Variants in YES1 observed in about 807,000 individuals in gnomAD.
YES1 encodes YES proto-oncogene 1, Src family tyrosine kinase, also known as tyrosine-protein kinase Yes.
YES1 carries 39 observed loss-of-function variants against 70.4 expected under a neutral mutation model. The ratio of observed to expected loss-of-function variants is 0.55; its 90% CI spans 0.43 to 0.72. YES1 has a LOEUF of 0.72. YES1 is among the 30% of genes least tolerant of loss of function. The probability of loss-of-function intolerance (pLI) is 0.00; values close to 1 mark genes in which losing one functional copy is unlikely to be tolerated. For missense variants in YES1, 495 were observed against 644.8 expected (o/e 0.77, Z 2.52); for synonymous variants, 198 against 218.6 (o/e 0.91, Z 0.83).
chr18:732,594 T>G, intron 11 of YES1, among the ~76,000 whole-genome samples: 1 of 151,778 alleles, frequency 6.6e-6, no homozygotes, highest in Non-Finnish European at 1.5e-5. Flanking sequence ...AAAGCTGAGG[T>G]GAATGTGGGG....
intron 3 of YES1, 26 bp from the exon 4 acceptor site, chr18:748,044 C>G: frequency 6.2e-7 from 1 of 1,601,484 alleles, no homozygotes; most frequent in African/African-American, 1.3e-5. Context: ...CAGCAATCAC[C>G]GCAAGGTAGA....
intron 1 of YES1, among the ~76,000 whole-genome samples, chr18:787,037 A>G (rs1905985635): frequency 6.8e-6 from 1 of 146,384 alleles, no homozygotes; most frequent in African/African-American, 2.5e-5. Context: ...GATAGAAAAG[A>G]TGGCCAAAAT....
chr18:750,055 T>C (rs1388771084), intron 3 of YES1, among the ~76,000 whole-genome samples: 1 of 152,132 alleles, frequency 6.6e-6, no homozygotes. Context: ...TAAATTCATG[T>C]TTTGCTTCAC....
Position 742,981 on chromosome 18 carries a change from C to T in YES1, c.997G>A (p.Val333Ile), listed in dbSNP as rs2145706149. The T allele has an allele frequency of 6.2e-7, 1 of 1,610,460 alleles. No individual in the cohort carries two copies. The highest frequency in any genetic ancestry group is 8.5e-7 in the Non-Finnish European group (1 of 1,179,308). Reference sequence around the variant, plus strand: ...TCAGAAACAACAGCATATAGTGGAACAAGTTTATCATGTCTTAATTTTTTC... The same window carrying T: ...TCAGAAACAACAGCATATAGTGGAATAAGTTTATCATGTCTTAATTTTTTC... ...IMKKLRHDKL[V>I]PLYAVVSEEP... Residue 333 changes from valine (V) to isoleucine (I), a missense_variant, in exon 8 of 12, where the codon GTT (valine) becomes ATT (isoleucine). By Grantham distance (29) the Val-to-Ile change is conservative (BLOSUM62 3). This residue lies in a region of YES1 where 385 missense variants were observed against 540.9 expected (regional missense o/e 0.71). Coordinates refer to ENST00000314574, the MANE Select transcript of YES1 (RefSeq NM_005433.4).
At chr18:725,623 T>C (rs2080008963) in intron 11 of YES1, among the ~76,000 whole-genome samples, 1 of 152,194 alleles carries the variant, frequency 6.6e-6, no homozygotes, top group South Asian at 2.1e-4. Flanking sequence ...GCACAGTGGC[T>C]CTCGTCTGTA....
intron 1 of YES1, among the ~76,000 whole-genome samples, chr18:807,206 C>T (rs963988305): frequency 3.3e-5 from 5 of 152,116 alleles, no homozygotes; most frequent in Admixed American, 6.5e-5. Context: ...TGGTGGTGCA[C>T]GCTTGCAATC....
intron 11 of YES1, among the ~76,000 whole-genome samples, chr18:730,109 TAGTTTTGCTC>T (rs2080070678): frequency 6.6e-6 from 1 of 152,170 alleles, no homozygotes; most frequent in African/African-American, 2.4e-5. Context: ...TGTTAGGGCT[TAGTTTTGCTC>T]AGTTTTGCCC....
At chr18:772,854 A>G (rs949847423) in intron 1 of YES1, among the ~76,000 whole-genome samples, 1 of 152,240 alleles carries the variant, frequency 6.6e-6, no homozygotes, top group African/African-American at 2.4e-5. Flanking sequence ...GGTCTGCTCC[A>G]GGTTCCCTCT....
intron 1 of YES1, among the ~76,000 whole-genome samples, chr18:809,502 C>T (rs1371844488): frequency 1.3e-5 from 2 of 152,026 alleles, no homozygotes; most frequent in Non-Finnish European, 2.9e-5. Context: ...GGTTTCACCA[C>T]GTTGGCCAGG....
At chr18:760,329 G>A (rs1387390342) in intron 1 of YES1, among the ~76,000 whole-genome samples, 6 of 152,116 alleles carry the variant, frequency 3.9e-5, no homozygotes, top group Admixed American at 6.5e-5. Context: ...AGTTAGCCAC[G>A]TGTGGTGGTG....
At chr18:758,581 A>G (rs751127277) in intron 1 of YES1, among the ~76,000 whole-genome samples, 1 of 152,188 alleles carries the variant, frequency 6.6e-6, no homozygotes, top group Non-Finnish European at 1.5e-5. Context: ...TCTACCTGCT[A>G]AAATCCTATC....
chr18:754,044 C>T (rs1390636594), intron 2 of YES1, among the ~76,000 whole-genome samples: 1 of 152,176 alleles, frequency 6.6e-6, no homozygotes, highest in Non-Finnish European at 1.5e-5. Flanking sequence ...GGGTGGACTA[C>T]TGAGAGTGCC....
At chr18:762,614 T>C (rs1448407846) in intron 1 of YES1, among the ~76,000 whole-genome samples, 2 of 152,170 alleles carry the variant, frequency 1.3e-5, no homozygotes, top group African/African-American at 4.8e-5. Flanking sequence ...TATTCATTAA[T>C]AACATACATT....
chr18:763,222 A>G (rs1410983454), intron 1 of YES1, among the ~76,000 whole-genome samples: 3 of 152,184 alleles, frequency 2.0e-5, no homozygotes, highest in East Asian at 1.9e-4. Flanking sequence ...TTGTTATGCA[A>G]TAACTTTTAG....
intron 1 of YES1, among the ~76,000 whole-genome samples, chr18:790,604 T>C (rs558782748): frequency 2.6e-4 from 39 of 152,298 alleles, no homozygotes; most frequent in African/African-American, 9.1e-4. Context: ...AGAAGGGTAC[T>C]AGAGCCACAG....
chr18:721,877 C>T lies in YES1; in HGVS notation c.*2547G>A, dbSNP rs2079956227. 1 of 152,616 alleles carries T rather than the reference C, an allele frequency of 6.6e-6. No individual in the cohort carries two copies. Among genetic ancestry groups the T allele is most frequent in the South Asian group, 2.1e-4 (1 of 4,826 alleles). The allele number at this position is 152,616 out of a possible 1,614,324, so 9.5% of individuals were successfully genotyped here. A position where few individuals can be genotyped will look rare whatever the true frequency, so the allele number is the denominator to read the frequency against. ...GCTAGAAGGCTGTTTTTGCCAACTT[C>T]CTTTTTTGGTAAGGGTTAACTTCCA... On this transcript the variant is annotated 3_prime_UTR_variant, in exon 12 of 12. Coordinates refer to ENST00000314574, the MANE Select transcript of YES1 (RefSeq NM_005433.4).
chr18:728,322 C>CAA (rs34970099), intron 11 of YES1, among the ~76,000 whole-genome samples: 2,131 of 145,690 alleles, frequency 0.015, 64 homozygotes, highest in African/African-American at 0.05. Context: ...GACCCTGTCT[C>CAA]AAAAAAAAAA....
chr18:730,832 G>A (rs1274301510), intron 11 of YES1, among the ~76,000 whole-genome samples: 1 of 152,204 alleles, frequency 6.6e-6, no homozygotes, highest in Non-Finnish European at 1.5e-5. Context: ...CATTTAAAGT[G>A]ACACTATGTT....
At chr18:784,817 T>A (rs1905853808) in intron 1 of YES1, among the ~76,000 whole-genome samples, 1 of 152,180 alleles carries the variant, frequency 6.6e-6, no homozygotes, top group Non-Finnish European at 1.5e-5. Context: ...GGATAAACTC[T>A]CTATTTCAAA....
Sources: gnomAD v4.1 joint callset for allele counts (sites outside exome capture counted in the v4.1 genomes callset) on GRCh38, gnomAD v4.1.1 for gene constraint, gnomAD v4.1.1 regional missense constraint, MANE v1.5 for transcripts, NCBI Gene and HGNC (gene_info 2026-07-23, HGNC 2026-07-21) for gene names.